Variants in GRIA1 observed in about 807,000 individuals in gnomAD.
GRIA1 encodes the protein glutamate ionotropic receptor AMPA type subunit 1.
A neutral mutation model predicts 99.2 loss-of-function variants in GRIA1; 31 were observed. The observed-to-expected ratio is 0.31, with a 90% CI of 0.23 to 0.42. The LOEUF (loss-of-function observed/expected upper bound fraction) is 0.42. Ranked by LOEUF, GRIA1 falls within the 10% of genes least tolerant of loss-of-function variation. The pLI, the probability that GRIA1 is intolerant of heterozygous loss-of-function variation, is 1.00. For synonymous variants in GRIA1, 438 were observed against 432.4 expected, an observed-to-expected ratio of 1.01 and a Z score of -0.16; for missense variants, 782 against 1,157.5, an observed-to-expected ratio of 0.68 and a Z score of 4.71.
intron 2 of GRIA1, among the ~76,000 whole-genome samples, chr5:153,505,294 G>T (rs1222450441): frequency 1.3e-5 from 2 of 152,192 alleles, no homozygotes; most frequent in African/African-American, 4.8e-5. Context: ...TATTTGTGGA[G>T]CATCGTGGTA....
intron 2 of GRIA1, among the ~76,000 whole-genome samples, chr5:153,597,090 T>C (rs997597739): frequency 5.9e-5 from 9 of 152,204 alleles, no homozygotes; most frequent in African/African-American, 2.2e-4. Context: ...AAAGCTTCTT[T>C]AAGGTCCTTT....
chr5:153,676,917 A>G (rs1327937004), intron 6 of GRIA1, 77 bp from the exon 7 acceptor site: 3 of 1,216,280 alleles, frequency 2.5e-6, no homozygotes, highest in Non-Finnish European at 3.2e-6. Context: ...CAGAAAACAC[A>G]TTCCCAAATA....
chr5:153,800,088 G>T (rs207466470), intron 14 of GRIA1, among the ~76,000 whole-genome samples: 4 of 152,180 alleles, frequency 2.6e-5, no homozygotes, highest in Non-Finnish European at 5.9e-5. Flanking sequence ...GACCAAAGGG[G>T]CAAGGTGTGC....
chr5:153,797,925 G>A lies in GRIA1; in HGVS notation c.2385+3190G>A, dbSNP rs1765751410. 5.3e-5 allele frequency among the ~76,000 whole-genome samples: 8 copies of A among 152,160 alleles called. No individual in the cohort carries two copies. In the South Asian group the frequency reaches 1.5e-3, roughly 28 times the overall value. On this transcript the variant is annotated intron_variant, in intron 14 of 15. Transcript: ENST00000285900. ...ACCAATTAACACGAGCTCCTTTTTTGCATTCCCTAAAGGTATTAGTCTCTA... is the reference window on the plus strand; with the variant it reads ...ACCAATTAACACGAGCTCCTTTTTTACATTCCCTAAAGGTATTAGTCTCTA...
chr5:153,746,105 G>A (rs1762138789), intron 11 of GRIA1, among the ~76,000 whole-genome samples: 1 of 152,190 alleles, frequency 6.6e-6, no homozygotes, highest in East Asian at 1.9e-4. Flanking sequence ...CAGGGGGCAG[G>A]GGTAGGAAGT....
chr5:153,520,381 C>A lies in GRIA1; in HGVS notation c.220+26316C>A, dbSNP rs149017156. ...ACAGTGGAGCCTTGAAGGACAAAGG[C>A]AAATTATTTACCAAATCAAAAGTTG... On this transcript the variant is annotated intron_variant, in intron 2 of 15. Transcript: ENST00000285900. Among the ~76,000 whole-genome samples, 18 of 152,254 alleles carry A rather than the reference C, an allele frequency of 1.2e-4. No homozygotes were observed. In the East Asian group the frequency reaches 2.9e-3, roughly 24 times the overall value.
intron 13 of GRIA1, among the ~76,000 whole-genome samples, chr5:153,793,493 G>A (rs989679582): frequency 1.3e-5 from 2 of 152,226 alleles, no homozygotes; most frequent in African/African-American, 4.8e-5. Flanking sequence ...GATGAGGCAT[G>A]TTATGTCCTG....
chr5:153,784,941 T>A (rs1699153573), intron 13 of GRIA1, among the ~76,000 whole-genome samples: 1 of 152,140 alleles, frequency 6.6e-6, no homozygotes, highest in Admixed American at 6.6e-5. Context: ...AAATGAGCCT[T>A]GGTTCCTACG....
At position 153,811,244 on chromosome 5, in the gene GRIA1, C is replaced by G. The variant is rs1294563490; in HGVS notation, c.*19C>G. On this transcript the variant is annotated 3_prime_UTR_variant, in exon 16 of 16. Coordinates refer to ENST00000285900, the MANE Select transcript of GRIA1 (RefSeq NM_000827.4). The stretch of plus-strand genomic sequence containing the variant: ...ATTGTAACTGGAGCAGATGGAGACC[C>G]CTTGGGGAGCAGGCTCGGGCTCCCC... The G allele has an allele frequency of 6.3e-6, 10 of 1,599,210 alleles. No individual in the cohort carries two copies. The highest frequency in any genetic ancestry group is 6.9e-6 in the Non-Finnish European group (8 of 1,166,850).
intron 2 of GRIA1, among the ~76,000 whole-genome samples, chr5:153,561,716 T>G (rs965887256): frequency 5.9e-5 from 9 of 152,184 alleles, no homozygotes; most frequent in African/African-American, 2.2e-4. Context: ...AGTCTCAGTA[T>G]AGGAGAATTG....
intron 2 of GRIA1, among the ~76,000 whole-genome samples, chr5:153,516,698 CT>C (rs2113346437): frequency 6.6e-6 from 1 of 152,170 alleles, no homozygotes; most frequent in South Asian, 2.1e-4. Context: ...GCGTCCAGAT[CT>C]CCCTTCACGA....
intron 2 of GRIA1, among the ~76,000 whole-genome samples, chr5:153,618,247 A>G (rs992606330): frequency 6.6e-6 from 1 of 152,222 alleles, no homozygotes; most frequent in Non-Finnish European, 1.5e-5. Flanking sequence ...TTTGCATTTT[A>G]TTCTACATAT....
chr5:153,556,073 C>T (rs1292853974), intron 2 of GRIA1, among the ~76,000 whole-genome samples: 1 of 152,126 alleles, frequency 6.6e-6, no homozygotes, highest in Non-Finnish European at 1.5e-5. Context: ...TTTTCATTTT[C>T]CATTAAGAAC....
chr5:153,738,985 G>C (rs1581572667), intron 11 of GRIA1, among the ~76,000 whole-genome samples: 1 of 151,330 alleles, frequency 6.6e-6, no homozygotes, highest in Non-Finnish European at 1.5e-5. Context: ...GCCTCCCAAA[G>C]TGCTGGGATT....
chr5:153,630,947 GT>G (rs1311111219), intron 2 of GRIA1, among the ~76,000 whole-genome samples: 1 of 152,174 alleles, frequency 6.6e-6, no homozygotes. Context: ...CCTGTTAATG[GT>G]AACGCCATTT....
At chr5:153,571,046 G>A (rs762793885) in intron 2 of GRIA1, among the ~76,000 whole-genome samples, 2 of 152,140 alleles carry the variant, frequency 1.3e-5, no homozygotes, top group Non-Finnish European at 2.9e-5. Context: ...TTACTCCAGC[G>A]ATTCTCAACG....
chr5:153,672,165 T>A (rs990758210), intron 5 of GRIA1, among the ~76,000 whole-genome samples: 1 of 152,180 alleles, frequency 6.6e-6, no homozygotes, highest in Admixed American at 6.5e-5. Context: ...AACATGTCAG[T>A]GTAGAACTCA....
chr5:153,666,156 G>A (rs1181249605), intron 5 of GRIA1, among the ~76,000 whole-genome samples: 1 of 152,128 alleles, frequency 6.6e-6, no homozygotes, highest in African/African-American at 2.4e-5. Flanking sequence ...TGACAGGATT[G>A]AAGCTTATAA....
chr5:153,674,581 A>C lies in GRIA1; in HGVS notation c.781A>C (p.Thr261Pro). Residue 261 changes from threonine (T) to proline (P), a missense_variant, in exon 6 of 16, where the codon ACT (threonine) becomes CCT (proline). Physicochemically the swap from Thr to Pro is conservative, Grantham distance 38. This residue lies in a region of GRIA1 where 461 missense variants were observed against 521.7 expected (regional missense o/e 0.88). Coordinates refer to ENST00000285900, the MANE Select transcript of GRIA1 (RefSeq NM_000827.4). ...TTTCCAGCTGGTGAACTACACAGAC[A>C]CTATTCCGGCCAAGATCATGCAGCA... ...TGFQLVNYTD[T>P]IPAKIMQQWK... 1 of 1,614,116 alleles carries C rather than the reference A, an allele frequency of 6.2e-7. No homozygotes were observed. Among genetic ancestry groups the C allele is most frequent in the Non-Finnish European group, 8.5e-7 (1 of 1,179,998 alleles).
Sources: gnomAD v4.1 joint callset for allele counts (sites outside exome capture counted in the v4.1 genomes callset) on GRCh38, gnomAD v4.1.1 for gene constraint, gnomAD v4.1.1 regional missense constraint, MANE v1.5 for transcripts, NCBI Gene and HGNC (gene_info 2026-07-23, HGNC 2026-07-21) for gene names.